APBA2: variants seen among roughly 807,000 people sequenced by gnomAD.
The protein encoded by APBA2 is amyloid beta precursor protein binding family A member 2, also known as amyloid-beta A4 precursor protein-binding family A member 2.
APBA2 carries 30 observed loss-of-function variants against 75.0 expected under a neutral mutation model. The ratio of observed to expected loss-of-function variants is 0.40; its 90% CI spans 0.30 to 0.54. The LOEUF is 0.54. Ranked by LOEUF, APBA2 falls within the 20% of genes least tolerant of loss-of-function variation. The pLI, the probability that APBA2 is intolerant of heterozygous loss-of-function variation, is 0.49. For synonymous variants in APBA2, 444 were observed against 409.6 expected (o/e 1.08, Z -1.01); for missense variants, 801 against 1,016.1 (o/e 0.79, Z 2.88).
At chr15:28,959,452 G>T (rs1361568866) in intron 2 of APBA2, among the ~76,000 whole-genome samples, 2 of 152,234 alleles carry the variant, frequency 1.3e-5, no homozygotes, top group Non-Finnish European at 2.9e-5. Context: ...TGATGTTCTT[G>T]TAAGAAGAGA....
chr15:28,951,622 G>T (rs1407615517), intron 2 of APBA2, among the ~76,000 whole-genome samples: 1 of 151,798 alleles, frequency 6.6e-6, no homozygotes, highest in Non-Finnish European at 1.5e-5. Context: ...GCCTTGCTCT[G>T]TTGCCAGGCT....
chr15:29,016,125 C>T (rs780643604), intron 3 of APBA2, among the ~76,000 whole-genome samples: 5 of 152,078 alleles, frequency 3.3e-5, no homozygotes, highest in African/African-American at 7.2e-5. Flanking sequence ...GGCATTGTGG[C>T]GCATGCCTGT....
intron 2 of APBA2, among the ~76,000 whole-genome samples, chr15:28,925,036 A>G (rs1395842070): frequency 1.3e-5 from 2 of 152,012 alleles, no homozygotes; most frequent in African/African-American, 4.8e-5. Flanking sequence ...GTTCTTTATC[A>G]AGCTGAAGAT....
chr15:28,944,786 G>T (rs951572879), intron 2 of APBA2, among the ~76,000 whole-genome samples: 4 of 152,224 alleles, frequency 2.6e-5, no homozygotes, highest in Non-Finnish European at 5.9e-5. Context: ...AAATGTGGTT[G>T]CCCGATGCTC....
Position 29,080,218 on chromosome 15 carries a change from C to T in APBA2, c.1069+4127C>T, listed in dbSNP as rs190194747. ...ATCAACTTAACAATCACTATATCCA[C>T]AGCTCAGGGAGAGTGAATCCCGGGC... On this transcript the variant is annotated intron_variant, in intron 6 of 14. Transcript: ENST00000683413. 2.6e-3 allele frequency among the ~76,000 whole-genome samples: 400 copies of T among 152,348 alleles called. 2 individuals carry two copies. The highest frequency in any genetic ancestry group is 9.3e-3 in the African/African-American group (386 of 41,566).
At chr15:29,115,386 G>A (rs985446699) in intron 14 of APBA2, among the ~76,000 whole-genome samples, 1 of 152,108 alleles carries the variant, frequency 6.6e-6, no homozygotes, top group Non-Finnish European at 1.5e-5. Context: ...TGGACTGGTG[G>A]GGGCAGGGGT....
chr15:28,889,697 G>T lies in APBA2; in HGVS notation c.-205+3419G>T, dbSNP rs147694131. Among the ~76,000 whole-genome samples, 808 of 152,248 alleles carry T rather than the reference G, an allele frequency of 5.3e-3. 6 individuals are homozygous for T. Among genetic ancestry groups the T allele is most frequent in the African/African-American group, 0.019 (784 of 41,536 alleles). Reference sequence around the variant, plus strand: ...CTCTTATTCCTTGGTCCTCAGATTTGTCAGGCCACTCTTGCCTCAGGGCCT... The same window carrying T: ...CTCTTATTCCTTGGTCCTCAGATTTTTCAGGCCACTCTTGCCTCAGGGCCT... On this transcript the variant is annotated intron_variant, in intron 1 of 14. Transcript: ENST00000683413.
chr15:29,068,345 A>G (rs1021745642), intron 4 of APBA2, among the ~76,000 whole-genome samples: 2 of 152,244 alleles, frequency 1.3e-5, no homozygotes, highest in African/African-American at 2.4e-5. Flanking sequence ...CCCCTAAGCA[A>G]TGGTATTAGA....
Position 29,034,045 on chromosome 15 carries a change from G to A in APBA2, c.-40-19800G>A, listed in dbSNP as rs977441913. ...AGGCTTCCAGATGCAAAGCTTTGGC[G>A]TCCTCAGAGATGCATTATCCTCCCA... On this transcript the variant is annotated intron_variant, in intron 3 of 14. Coordinates refer to ENST00000683413, the MANE Select transcript of APBA2 (RefSeq NM_001353788.2). 1.1e-4 allele frequency among the ~76,000 whole-genome samples: 16 copies of A among 150,934 alleles called. No homozygotes were observed. The East Asian group carries it at 1.8e-3, about 17-fold the overall frequency.
rs564042136 is a variant in APBA2 at position 29,117,058 on chromosome 15, G to A, written c.2179-4G>A. On this transcript the variant is annotated splice_polypyrimidine_tract_variant and splice_region_variant and intron_variant, in intron 14 of 14. Transcript: ENST00000683413. Reference sequence around the variant, plus strand: ...GCGGCTCAGCCTCCTGTTTCTGTCCGCAGATCCACATGAAGACCATGCCCG... The same window carrying A: ...GCGGCTCAGCCTCCTGTTTCTGTCCACAGATCCACATGAAGACCATGCCCG... The A allele has an allele frequency of 1.8e-5, 29 of 1,612,972 alleles. No homozygotes were observed. The highest frequency in any genetic ancestry group is 4.4e-5 in the South Asian group (4 of 91,080).
intron 4 of APBA2, among the ~76,000 whole-genome samples, chr15:29,072,813 C>A (rs1027699687): frequency 6.6e-6 from 1 of 152,094 alleles, no homozygotes; most frequent in African/African-American, 2.4e-5. Flanking sequence ...GTAGGGGCAG[C>A]AGGACTGGGG....
rs1446655833 is a variant in APBA2, at chr15:29,105,445, A to C, written c.1591A>C (p.Asn531His). Reference sequence around the variant, plus strand: ...GGCCTACCAGGAGTTCCTGCGAGCCAATGGCATCAACCCCGAAGACTTGAG... The same window carrying C: ...GGCCTACCAGGAGTTCCTGCGAGCCCATGGCATCAACCCCGAAGACTTGAG... ...SVAYQEFLRA[N>H]GINPEDLSQK... The change falls in exon 11 of 15, where the codon AAT becomes CAT. Residue 531 changes from asparagine to histidine, a missense_variant. Transcript: ENST00000683413. The C allele has an allele frequency of 6.2e-7, 1 of 1,613,846 alleles. No homozygotes were observed. The highest frequency in any genetic ancestry group is 1.1e-5 in the South Asian group (1 of 91,076).
intron 3 of APBA2, among the ~76,000 whole-genome samples, chr15:29,021,890 T>C (rs2039974151): frequency 1.3e-5 from 2 of 152,176 alleles, no homozygotes; most frequent in Non-Finnish European, 2.9e-5. Context: ...AGTGAGATCA[T>C]GCGGTATTTA....
chr15:28,971,308 TAATC>T (rs1348428923), intron 2 of APBA2, among the ~76,000 whole-genome samples: 1 of 152,092 alleles, frequency 6.6e-6, no homozygotes, highest in African/African-American at 2.4e-5. Flanking sequence ...AACATACAGT[TAATC>T]AGGAGGAAAA....
chr15:28,981,412 A>G (rs1011529731), intron 2 of APBA2, among the ~76,000 whole-genome samples: 1 of 152,204 alleles, frequency 6.6e-6, no homozygotes, highest in East Asian at 1.9e-4. Context: ...AAAATGCTCA[A>G]CATCACTAAT....
chr15:28,895,843 T>G (rs1053895854), intron 1 of APBA2, among the ~76,000 whole-genome samples: 1 of 152,068 alleles, frequency 6.6e-6, no homozygotes, highest in Non-Finnish European at 1.5e-5. Flanking sequence ...CTGGGCATGG[T>G]GGTTCATGAG....
At chr15:29,111,998 T>C (rs1020824230) in intron 13 of APBA2, among the ~76,000 whole-genome samples, 1 of 152,172 alleles carries the variant, frequency 6.6e-6, no homozygotes, top group African/African-American at 2.4e-5. Flanking sequence ...CCCGGGCTCC[T>C]GCTGTCCCCG....
intron 14 of APBA2, 84 bp downstream of exon 14, chr15:29,114,100 G>A: frequency 7.6e-6 from 12 of 1,586,824 alleles, no homozygotes; most frequent in Non-Finnish European, 1.0e-5. Context: ...CCGCTCCAGA[G>A]GACACAGGGC....
intron 1 of APBA2, among the ~76,000 whole-genome samples, chr15:28,911,602 G>T (rs1364584883): frequency 6.6e-6 from 1 of 152,160 alleles, no homozygotes; most frequent in Non-Finnish European, 1.5e-5. Context: ...TCTCAATAGA[G>T]CTTTTAAATT....
Sources: gnomAD v4.1 joint callset for allele counts (sites outside exome capture counted in the v4.1 genomes callset) on GRCh38, gnomAD v4.1.1 for gene constraint, MANE v1.5 for transcripts, NCBI Gene and HGNC (gene_info 2026-07-23, HGNC 2026-07-21) for gene names.